BOC: variants seen among roughly 807,000 people sequenced by gnomAD.
BOC encodes the protein brother of CDO.
BOC carries 76 observed loss-of-function variants against 112.0 expected under a neutral mutation model. That is an observed-to-expected ratio of 0.68 (90% confidence interval 0.56 to 0.82). The LOEUF (loss-of-function observed/expected upper bound fraction) is 0.82. BOC is among the 40% of genes least tolerant of loss of function. The probability of loss-of-function intolerance (pLI) is 0.00; values close to 1 mark genes in which losing one functional copy is unlikely to be tolerated. For missense variants in BOC, 1,309 were observed against 1,511.7 expected, an observed-to-expected ratio of 0.87 and a Z score of 2.22; for synonymous variants, 580 against 599.8, an observed-to-expected ratio of 0.97 and a Z score of 0.48.
chr3:113,221,434 G>C (rs1305852844), intron 2 of BOC, among the ~76,000 whole-genome samples: 1 of 152,184 alleles, frequency 6.6e-6, no homozygotes, highest in East Asian at 1.9e-4. Context: ...GCCAGTCCTT[G>C]GTCCTGGTCA....
intron 4 of BOC, among the ~76,000 whole-genome samples, chr3:113,266,582 AG>A (rs1947501539): frequency 6.6e-6 from 1 of 152,210 alleles, no homozygotes; most frequent in East Asian, 1.9e-4. Flanking sequence ...GTTTCTAGGC[AG>A]CATAATGGGC....
chr3:113,284,833 G>T lies in BOC; in HGVS notation c.2941G>T (p.Asp981Tyr), dbSNP rs1259701019. ...GCAGACCCATCTTGGCAATGGATATGACCCCCAAAGTCACCAGATCACGAG... is the reference window on the plus strand; with the variant it reads ...GCAGACCCATCTTGGCAATGGATATTACCCCCAAAGTCACCAGATCACGAG... Reference protein sequence around the residue: ...LRQTHLGNGYDPQSHQITRGP... With the variant: ...LRQTHLGNGYYPQSHQITRGP... The change falls in exon 18 of 20, where the codon GAC becomes TAC. Residue 981 changes from aspartate to tyrosine, a missense_variant. Physicochemically the swap from Asp to Tyr is radical, Grantham distance 160. Coordinates refer to ENST00000682979, the MANE Select transcript of BOC (RefSeq NM_001378074.1). 2 of 1,614,046 alleles carry T rather than the reference G, an allele frequency of 1.2e-6. No individual in the cohort carries two copies. The highest frequency in any genetic ancestry group is 1.7e-6 in the Non-Finnish European group (2 of 1,180,020).
chr3:113,213,759 G>A (rs901138326), intron 1 of BOC, among the ~76,000 whole-genome samples: 2 of 152,358 alleles, frequency 1.3e-5, no homozygotes, highest in East Asian at 3.9e-4. Context: ...GTGGGACAGA[G>A]GCCGGGCAGA....
In BOC at chr3:113,250,651, A is replaced by C; in HGVS notation, c.194A>C (p.Asn65Thr). The C allele has an allele frequency of 6.2e-7, 1 of 1,614,178 alleles. No individual in the cohort carries two copies. The highest frequency in any genetic ancestry group is 1.1e-5 in the South Asian group (1 of 91,068). Residue 65 changes from asparagine (N) to threonine (T), a missense_variant, in exon 4 of 20, where the codon AAT becomes ACT. Coordinates refer to ENST00000682979, the MANE Select transcript of BOC (RefSeq NM_001378074.1). ...LGCVVEPPRMNVTWRLNGKEL... is the reference protein window; with the variant it reads ...LGCVVEPPRMTVTWRLNGKEL... ...TGCGTGGTGGAACCTCCAAGGATGA[A>C]TGTAACCTGGCGCCTGAATGGAAAG... is the stretch of plus-strand genomic sequence containing the variant.
rs190069001 is a variant in BOC at position 113,227,729 on chromosome 3, C to T, written c.-82+11455C>T. On this transcript the variant is annotated intron_variant, in intron 2 of 19. Transcript: ENST00000682979. ...CTTATTCTAGTTATCCGACTGAAAA[C>T]AAGTGTTTTATTTTGTAATTAAAAA... is the stretch of plus-strand genomic sequence containing the variant. Among the ~76,000 whole-genome samples the T allele has an allele frequency of 3.3e-3, 504 of 152,042 alleles. 5 individuals are homozygous for T. Among genetic ancestry groups the T allele is most frequent in the African/African-American group, 0.011 (460 of 41,480 alleles).
At chr3:113,229,158 G>A (rs528273116) in intron 2 of BOC, among the ~76,000 whole-genome samples, 1 of 152,280 alleles carries the variant, frequency 6.6e-6, no homozygotes, top group Non-Finnish European at 1.5e-5. Context: ...ACTGAAAATC[G>A]ACTCCTTCGG....
intron 2 of BOC, among the ~76,000 whole-genome samples, chr3:113,245,918 A>ACGACCGGCAAC (rs1944870430): frequency 6.6e-6 from 1 of 152,164 alleles, no homozygotes; most frequent in African/African-American, 2.4e-5. Context: ...GGATGAGCCG[A>ACGACCGGCAAC]CGGCTTTTTG....
intron 18 of BOC, among the ~76,000 whole-genome samples, 181 bp downstream of exon 18, chr3:113,285,039 C>T (rs906111564): frequency 3.9e-5 from 6 of 152,240 alleles, no homozygotes; most frequent in African/African-American, 7.2e-5. Context: ...TTTGCAATTG[C>T]GATGCCCTTT....
intron 2 of BOC, among the ~76,000 whole-genome samples, chr3:113,231,233 C>G (rs769111610): frequency 6.6e-6 from 1 of 151,994 alleles, no homozygotes; most frequent in Non-Finnish European, 1.5e-5. Flanking sequence ...ATTACAAAAG[C>G]GATGCTACAT....
intron 2 of BOC, among the ~76,000 whole-genome samples, chr3:113,217,013 T>C (rs1227884422): frequency 1.3e-5 from 2 of 152,194 alleles, no homozygotes; most frequent in Non-Finnish European, 2.9e-5. Flanking sequence ...TTGGACAGTA[T>C]TGGACAAGAT....
At chr3:113,215,298 G>A (rs1028562482) in intron 1 of BOC, among the ~76,000 whole-genome samples, 7 of 152,174 alleles carry the variant, frequency 4.6e-5, no homozygotes, top group African/African-American at 1.7e-4. Context: ...CTCAGGGTTG[G>A]TAACGGATAG....
intron 2 of BOC, among the ~76,000 whole-genome samples, chr3:113,243,771 T>C (rs542442598): frequency 6.6e-6 from 1 of 152,304 alleles, no homozygotes; most frequent in South Asian, 2.1e-4. Context: ...TCAAATCCCA[T>C]TTCCAGAACA....
intron 4 of BOC, among the ~76,000 whole-genome samples, chr3:113,254,217 T>G (rs111516296): frequency 2.0e-5 from 3 of 152,314 alleles, no homozygotes; most frequent in African/African-American, 7.2e-5. Context: ...CGAGCTGGGC[T>G]TATTTGAAAG....
intron 2 of BOC, among the ~76,000 whole-genome samples, chr3:113,232,749 A>G (rs1466460861): frequency 6.6e-6 from 1 of 152,258 alleles, no homozygotes; most frequent in Non-Finnish European, 1.5e-5. Flanking sequence ...AGTAAGCATT[A>G]GACTAATGAA....
intron 2 of BOC, among the ~76,000 whole-genome samples, chr3:113,232,315 T>G (rs990672969): frequency 6.6e-6 from 1 of 152,174 alleles, no homozygotes; most frequent in Non-Finnish European, 1.5e-5. Flanking sequence ...AGGGACTGTT[T>G]GACAGACCAA....
chr3:113,270,132 G>A (rs1467781897), intron 5 of BOC: 2 of 152,298 alleles, frequency 1.3e-5, no homozygotes, highest in African/African-American at 2.4e-5. Context: ...GACAGTGGTT[G>A]AAAGTCAGAA....
intron 4 of BOC, among the ~76,000 whole-genome samples, chr3:113,260,896 C>T (rs1182125165): frequency 2.6e-5 from 4 of 152,058 alleles, no homozygotes; most frequent in Non-Finnish European, 5.9e-5. Flanking sequence ...CAGTTTTATC[C>T]CAAAACCATC....
intron 1 of BOC, among the ~76,000 whole-genome samples, chr3:113,215,629 A>G (rs1230034681): frequency 6.6e-6 from 1 of 152,198 alleles, no homozygotes; most frequent in Non-Finnish European, 1.5e-5. Flanking sequence ...ACCTGTGACC[A>G]TCCCACCCAT....
chr3:113,279,581 T>C (rs78532219), intron 12 of BOC, 126 bp downstream of exon 12: 2 of 946,230 alleles, frequency 2.1e-6, no homozygotes, highest in Admixed American at 2.5e-5. Flanking sequence ...CATGCCTCCA[T>C]GTTGCTGTCT....
Sources: allele counts gnomAD v4.1 joint callset (sites outside exome capture counted in the v4.1 genomes callset), GRCh38; gene constraint gnomAD v4.1.1; transcripts MANE v1.5; gene names NCBI Gene and HGNC (gene_info 2026-07-23, HGNC 2026-07-21).